Variants in ZBTB16 observed in about 807,000 individuals in gnomAD.
ZBTB16 encodes the protein zinc finger and BTB domain-containing protein 16.
In ZBTB16, 8 loss-of-function variants were observed where a neutral mutation model predicts 56.8. The observed-to-expected ratio is 0.14, with a 90% confidence interval of 0.08 to 0.25. ZBTB16 has a LOEUF of 0.25. Among genes scored for constraint, ZBTB16 ranks in the 10% least tolerant of loss-of-function variants. The pLI is 1.00. For missense variants in ZBTB16, 625 were observed against 903.0 expected, an observed-to-expected ratio of 0.69 and a Z score of 3.95; for synonymous variants, 363 against 368.5, an observed-to-expected ratio of 0.98 and a Z score of 0.17.
rs140841207 is a variant in ZBTB16, at chr11:114,086,074, C to T, written c.1268+21506C>T. ...CTTGGGTGCTTGCTTGAAGTTCTTACGCCCACTAACTCCTGCCCTGCTCTG... is the reference window on the plus strand; with the variant it reads ...CTTGGGTGCTTGCTTGAAGTTCTTATGCCCACTAACTCCTGCCCTGCTCTG... On this transcript the variant is annotated intron_variant, in intron 2 of 6. Coordinates refer to ENST00000335953, the MANE Select transcript of ZBTB16 (RefSeq NM_006006.6). Among the ~76,000 whole-genome samples, 13 of 152,180 alleles carry T rather than the reference C, an allele frequency of 8.5e-5. No individual in the cohort carries two copies. In the South Asian group the frequency reaches 1.5e-3, roughly 17 times the overall value.
At chr11:114,194,458 C>T (rs947529945) in intron 4 of ZBTB16, among the ~76,000 whole-genome samples, 2 of 152,172 alleles carry the variant, frequency 1.3e-5, no homozygotes, top group Admixed American at 6.6e-5. Flanking sequence ...TAGGAGGCCA[C>T]GCTTATGGTT....
chr11:114,093,807 T>C lies in ZBTB16; in HGVS notation c.1268+29239T>C, dbSNP rs994047711. Among the ~76,000 whole-genome samples, 3 of 152,230 alleles carry C rather than the reference T, an allele frequency of 2.0e-5. No individual in the cohort carries two copies. In the South Asian group the frequency reaches 6.2e-4, roughly 32 times the overall value. ...CTTTATTTCTGCCCTTTAACCTATG[T>C]CCATTTTCTAGATAGTTTCTAAAAA... On this transcript the variant is annotated intron_variant, in intron 2 of 6. Coordinates refer to ENST00000335953, the MANE Select transcript of ZBTB16 (RefSeq NM_006006.6).
intron 3 of ZBTB16, among the ~76,000 whole-genome samples, chr11:114,177,720 A>G (rs1181973228): frequency 6.6e-6 from 1 of 152,218 alleles, no homozygotes; most frequent in Non-Finnish European, 1.5e-5. Flanking sequence ...TTGCTCAGTC[A>G]TAGAAGTTGC....
In ZBTB16 at chr11:114,233,079, GCGCACACA is replaced by G. The variant is rs1168056379; in HGVS notation, c.1454-9086_1454-9079del. ...TGCACATACGCATGCGCGCGCGCGC[GCGCACACA>G]CACACACACACACACACACACACAC... On this transcript the variant is annotated intron_variant, in intron 4 of 6. Transcript: ENST00000335953. Among the ~76,000 whole-genome samples, 20 of 53,760 alleles carry G rather than the reference GCGCACACA, an allele frequency of 3.7e-4. 1 individual carries two copies. The highest frequency in any genetic ancestry group is 9.7e-4 in the African/African-American group (16 of 16,480). The allele number at this position is 53,760 out of a possible 152,430, so 35.3% of individuals were successfully genotyped here.
intron 2 of ZBTB16, among the ~76,000 whole-genome samples, chr11:114,097,517 A>T (rs1340992215): frequency 6.6e-6 from 1 of 152,208 alleles, no homozygotes; most frequent in African/African-American, 2.4e-5. Flanking sequence ...AATACTTGGC[A>T]TTTGAGAAAA....
chr11:114,106,182 A>G (rs1022930716), intron 2 of ZBTB16, among the ~76,000 whole-genome samples: 4 of 152,104 alleles, frequency 2.6e-5, no homozygotes, highest in Middle Eastern at 3.4e-3. Context: ...CCTTCCCACC[A>G]ACCAAGTACA....
rs1257174736 is a variant in ZBTB16, at chr11:114,255,067, T to C, written c.*4512T>C. On this transcript the variant is annotated 3_prime_UTR_variant, in exon 7 of 7. Coordinates refer to ENST00000335953, the MANE Select transcript of ZBTB16 (RefSeq NM_006006.6). ...TGATCTTCGTAAGGTTAAGAAGCCG[T>C]GGTGGTGCACCATGACATCCAACCC... Among the ~76,000 whole-genome samples the C allele has an allele frequency of 6.6e-6, 1 of 152,162 alleles. No homozygotes were observed. The highest frequency in any genetic ancestry group is 1.9e-4 in the East Asian group (1 of 5,194).
chr11:114,242,331 C>G lies in ZBTB16; in HGVS notation c.1618C>G (p.His540Asp). The change falls in exon 5 of 7, where the codon CAT (histidine) becomes GAT (aspartate). Residue 540 changes from histidine (H) to aspartate (D), a missense_variant. His to Asp is a moderately conservative substitution (Grantham distance 81, BLOSUM62 -1). Transcript: ENST00000335953. The stretch of plus-strand genomic sequence containing the variant: ...GGCTCTCAAACGCCACCTGCGCTCA[C>G]ATACAGGTAGGTCAGTCCAGCTGAT... ...HTALKRHLRS[H>D]TGDHPYECEF... The G allele has an allele frequency of 6.2e-7, 1 of 1,613,558 alleles. No individual in the cohort carries two copies. The highest frequency in any genetic ancestry group is 8.5e-7 in the Non-Finnish European group (1 of 1,180,030).
intron 4 of ZBTB16, among the ~76,000 whole-genome samples, chr11:114,212,047 C>A (rs964807819): frequency 2.0e-5 from 3 of 152,058 alleles, no homozygotes; most frequent in African/African-American, 7.2e-5. Context: ...GTCAAAGGGT[C>A]ATCTCATGTG....
At chr11:114,074,322 G>A (rs1591640333) in intron 2 of ZBTB16, among the ~76,000 whole-genome samples, 1 of 152,214 alleles carries the variant, frequency 6.6e-6, no homozygotes, top group Non-Finnish European at 1.5e-5. Context: ...AGATGTGGCC[G>A]ACCATAATGG....
chr11:114,116,258 G>T (rs1468122432), intron 2 of ZBTB16, among the ~76,000 whole-genome samples: 1 of 152,182 alleles, frequency 6.6e-6, no homozygotes, highest in African/African-American at 2.4e-5. Flanking sequence ...GTTACTGACG[G>T]ATGAAATCAT....
rs1452260873 is a variant in ZBTB16 at position 114,250,566 on chromosome 11, G to A, written c.*11G>A. The A allele has an allele frequency of 4.3e-6, 7 of 1,613,890 alleles. No homozygotes were observed. The highest frequency in any genetic ancestry group is 4.5e-5 in the East Asian group (2 of 44,864). ...CTGTGCTATGTGTGAAGGGAGGCCCGCGGCGGTGGAGCCGAGCGGGGAGCC... is the reference window on the plus strand; with the variant it reads ...CTGTGCTATGTGTGAAGGGAGGCCCACGGCGGTGGAGCCGAGCGGGGAGCC... On this transcript the variant is annotated 3_prime_UTR_variant, in exon 7 of 7. Coordinates refer to ENST00000335953, the MANE Select transcript of ZBTB16 (RefSeq NM_006006.6). The surrounding 1 kb of genome is among the most constrained non-coding windows in gnomAD (Gnocchi z 6.0).
intron 4 of ZBTB16, among the ~76,000 whole-genome samples, chr11:114,207,247 G>GA (rs982958267): frequency 6.6e-6 from 1 of 152,014 alleles, no homozygotes; most frequent in African/African-American, 2.4e-5. Flanking sequence ...GGAACTTTAT[G>GA]AAAAAAATGT....
chr11:114,111,299 A>G (rs1272413456), intron 2 of ZBTB16, among the ~76,000 whole-genome samples: 5 of 152,276 alleles, frequency 3.3e-5, no homozygotes, highest in East Asian at 3.9e-4. Flanking sequence ...CAATAATACC[A>G]TTGGTATTTA....
At chr11:114,204,891 C>G (rs978937991) in intron 4 of ZBTB16, among the ~76,000 whole-genome samples, 1 of 152,160 alleles carries the variant, frequency 6.6e-6, no homozygotes, top group African/African-American at 2.4e-5. Flanking sequence ...TCGCCCTGAG[C>G]TGGATTTGGG....
chr11:114,141,266 G>A (rs571797322), intron 2 of ZBTB16, among the ~76,000 whole-genome samples: 3 of 152,204 alleles, frequency 2.0e-5, no homozygotes, highest in South Asian at 2.1e-4. Flanking sequence ...AGAACCCTTC[G>A]GAGCTTCCAG....
chr11:114,103,908 CA>C (rs1161514850), intron 2 of ZBTB16, among the ~76,000 whole-genome samples: 1 of 152,142 alleles, frequency 6.6e-6, no homozygotes, highest in Non-Finnish European at 1.5e-5. Context: ...CCTGGGGAAT[CA>C]AAGAGAAATC....
At chr11:114,139,522 TAAAC>T (rs532699929) in intron 2 of ZBTB16, among the ~76,000 whole-genome samples, 2 of 152,036 alleles carry the variant, frequency 1.3e-5, no homozygotes, top group Non-Finnish European at 2.9e-5. Flanking sequence ...GCTCAGATAT[TAAAC>T]AAATATCTCT....
chr11:114,106,333 G>A (rs2137767133), intron 2 of ZBTB16, among the ~76,000 whole-genome samples: 1 of 152,158 alleles, frequency 6.6e-6, no homozygotes, highest in South Asian at 2.1e-4. Context: ...TCCCATTGCT[G>A]CCTTTTAAGA....
Sources: allele counts gnomAD v4.1 joint callset (sites outside exome capture counted in the v4.1 genomes callset), GRCh38; gene constraint gnomAD v4.1.1; non-coding constraint Gnocchi (gnomAD v3.1); transcripts MANE v1.5; gene names NCBI Gene and HGNC (gene_info 2026-07-23, HGNC 2026-07-21).